SLC12A6: variants seen among roughly 807,000 people sequenced by gnomAD.
The protein encoded by SLC12A6 is K-Cl cotransporter 3.
A neutral mutation model predicts 135.3 loss-of-function variants in SLC12A6; 66 were observed. The observed-to-expected ratio is 0.49, with a 90% confidence interval of 0.40 to 0.60. The LOEUF is 0.60. SLC12A6 is among the 20% of genes least tolerant of loss of function. The probability of loss-of-function intolerance (pLI) is 0.00; values close to 1 mark genes in which losing one functional copy is unlikely to be tolerated. For synonymous variants in SLC12A6, 513 were observed against 508.8 expected (o/e 1.01, Z -0.11); for missense variants, 1,058 against 1,452.3 (o/e 0.73, Z 4.41).
At chr15:34,306,001 T>C (rs1051274344) in intron 2 of SLC12A6, among the ~76,000 whole-genome samples, 32 of 152,110 alleles carry the variant, frequency 2.1e-4, no homozygotes, top group African/African-American at 7.5e-4. Context: ...GACCTCGTGA[T>C]CCGCCCGCCT....
chr15:34,331,163 T>C (rs1889818919), intron 2 of SLC12A6, among the ~76,000 whole-genome samples: 1 of 152,206 alleles, frequency 6.6e-6, no homozygotes, highest in Non-Finnish European at 1.5e-5. Context: ...TAGGTTTTGT[T>C]TGTCAGGGTA....
chr15:34,259,082 G>A, intron 4 of SLC12A6, 138 bp from the exon 5 acceptor site: 1 of 665,890 alleles, frequency 1.5e-6, no homozygotes, highest in Admixed American at 2.3e-5. Flanking sequence ...GCTCACACCT[G>A]TAATCCCAGC....
In SLC12A6 at chr15:34,235,190, C is replaced by G; in HGVS notation, c.3352G>C (p.Asp1118His). 1 of 1,614,052 alleles carries G rather than the reference C, an allele frequency of 6.2e-7. No homozygotes were observed. Among genetic ancestry groups the G allele is most frequent in the Non-Finnish European group, 8.5e-7 (1 of 1,179,886 alleles). ...MPGPPRNPEGDENYMEFLEVL... is the reference protein window; with the variant it reads ...MPGPPRNPEGHENYMEFLEVL... ...CTCTTGGAAAGGATACAGTTTTCAT[C>G]ACCCTCAGGGTTTCGGGGTGGCCCT... is the stretch of plus-strand genomic sequence containing the variant. Residue 1118 changes from aspartate (D) to histidine (H), a missense_variant, in exon 25 of 26, where the codon GAT (aspartate) becomes CAT (histidine). Asp to His is a moderately conservative substitution (Grantham distance 81, BLOSUM62 -1). Transcript: ENST00000354181.
Position 34,294,075 on chromosome 15 carries a change from T to C in SLC12A6, c.272-18686A>G, listed in dbSNP as rs147217784. ...ATGCAGATTGAATTTATTCATTTTC[T>C]TTCTTGTGTAAATTACACCCATAAG... On this transcript the variant is annotated intron_variant, in intron 2 of 25. Coordinates refer to ENST00000354181, the MANE Select transcript of SLC12A6 (RefSeq NM_001365088.1). 3.2e-3 allele frequency among the ~76,000 whole-genome samples: 490 copies of C among 152,396 alleles called. 16 individuals carry two copies. The highest frequency in any genetic ancestry group is 0.028 in the Admixed American group (431 of 15,306).
At chr15:34,323,572 C>T (rs757431177) in intron 2 of SLC12A6, among the ~76,000 whole-genome samples, 3 of 152,184 alleles carry the variant, frequency 2.0e-5, no homozygotes, top group Non-Finnish European at 2.9e-5. Context: ...CAAAACCATG[C>T]CTGTCCCCGA....
At chr15:34,245,631 A>G (rs1891929037) in intron 14 of SLC12A6, 62 bp downstream of exon 14, 1 of 1,390,926 alleles carries the variant, frequency 7.2e-7, no homozygotes, top group African/African-American at 1.4e-5. Context: ...GCCCATGAAG[A>G]CCACACTGTT....
chr15:34,299,892 G>A (rs1303655966), intron 2 of SLC12A6, among the ~76,000 whole-genome samples: 1 of 152,094 alleles, frequency 6.6e-6, no homozygotes, highest in African/African-American at 2.4e-5. Context: ...ATTTACATAT[G>A]AGAAAAATTC....
chr15:34,290,337 G>C (rs1013357659), intron 2 of SLC12A6, among the ~76,000 whole-genome samples: 1 of 152,226 alleles, frequency 6.6e-6, no homozygotes, highest in African/African-American at 2.4e-5. Context: ...ACTGTGGTCT[G>C]AGAGACAGTT....
At chr15:34,314,826 T>TAAAAAAAAAA (rs566307709) in intron 2 of SLC12A6, 2 of 136,044 alleles carry the variant, frequency 1.5e-5, no homozygotes. Flanking sequence ...TGACCAGCCT[T>TAAAAAAAAAA]AAAAAAAAAA....
In SLC12A6 at chr15:34,229,954, A is replaced by G. The variant is rs933418491; in HGVS notation, c.*3927T>C. On this transcript the variant is annotated 3_prime_UTR_variant, in exon 26 of 26. Transcript: ENST00000354181. ...GACAGGTCCTAGAAGGACAATGTGCATATTACGACAAACACAAAGAAACTA... is the reference window on the plus strand; with the variant it reads ...GACAGGTCCTAGAAGGACAATGTGCGTATTACGACAAACACAAAGAAACTA... 1.8e-5 allele frequency: 12 copies of G among 674,090 alleles called. No homozygotes were observed. In the African/African-American group the frequency reaches 2.0e-4, roughly 11 times the overall value. 41.8% of individuals were successfully genotyped at this position (674,090 alleles called of 1,614,324 possible).
At position 34,241,200 on chromosome 15, in the gene SLC12A6, T is replaced by C. The variant is rs746045603; in HGVS notation, c.2267+33A>G. On this transcript the variant is annotated intron_variant, in intron 18 of 25. Transcript: ENST00000354181. ...AACACATATTTTTGTGTGTTAACCA[T>C]GTGCCAAATACTGCTAGTGTTGATT... 2.5e-5 allele frequency: 27 copies of C among 1,074,286 alleles called. 1 individual carries two copies. Among genetic ancestry groups the C allele is most frequent in the Non-Finnish European group, 3.9e-5 (27 of 687,354 alleles). 66.5% of individuals were successfully genotyped at this position (1,074,286 alleles called of 1,614,324 possible). A position where few individuals can be genotyped will look rare whatever the true frequency, so the allele number is the denominator to read the frequency against.
rs886051035 is a variant in SLC12A6, at chr15:34,230,072, CAA to C, written c.*3807_*3808del. 6 of 418,086 alleles carry C rather than the reference CAA, an allele frequency of 1.4e-5. No individual in the cohort carries two copies. The highest frequency in any genetic ancestry group is 1.2e-4 in the African/African-American group (6 of 48,590). 25.9% of individuals were successfully genotyped at this position (418,086 alleles called of 1,614,324 possible). A position where few individuals can be genotyped will look rare whatever the true frequency, so the allele number is the denominator to read the frequency against. ...CAACAAAAAAACATAACTATGTAAACAAGAGAATAACTGCTGCTAAATCAAGA... is the reference window on the plus strand; with the variant it reads ...CAACAAAAAAACATAACTATGTAAACGAGAATAACTGCTGCTAAATCAAGA... On this transcript the variant is annotated 3_prime_UTR_variant, in exon 26 of 26. Transcript: ENST00000354181.
chr15:34,314,446 C>T (rs1888492007), intron 2 of SLC12A6, among the ~76,000 whole-genome samples: 2 of 152,210 alleles, frequency 1.3e-5, no homozygotes, highest in African/African-American at 4.8e-5. Context: ...ACTGGTCACT[C>T]AAGAGCTCCG....
At chr15:34,296,012 AAC>A (rs1243971500) in intron 2 of SLC12A6, among the ~76,000 whole-genome samples, 2 of 151,942 alleles carry the variant, frequency 1.3e-5, no homozygotes, top group African/African-American at 2.4e-5. Flanking sequence ...AAAACAAACA[AAC>A]ACACAGTTTG....
chr15:34,280,740 T>C (rs1221888771), intron 2 of SLC12A6, among the ~76,000 whole-genome samples: 1 of 152,202 alleles, frequency 6.6e-6, no homozygotes, highest in East Asian at 1.9e-4. Context: ...GCATGTTTAT[T>C]GCAGCACTAT....
chr15:34,292,221 GTTT>G (rs1241987482), intron 2 of SLC12A6, among the ~76,000 whole-genome samples: 1 of 152,164 alleles, frequency 6.6e-6, no homozygotes, highest in Non-Finnish European at 1.5e-5. Flanking sequence ...CTGTTTGCTA[GTTT>G]TCCTTCTAAC....
In SLC12A6 at chr15:34,237,594, CA is replaced by C. The variant is rs775372521; in HGVS notation, c.2803-45del. The C allele has an allele frequency of 1.7e-5, 27 of 1,556,830 alleles. No individual in the cohort carries two copies. In the South Asian group the frequency reaches 2.1e-4, roughly 12 times the overall value. On this transcript the variant is annotated intron_variant, in intron 21 of 25. Transcript: ENST00000354181. ...CATGTGAAAAATTAGAGCAAGGAGG[CA>C]AAAAAGGTTATTTCCTAAGACATTA...
chr15:34,338,002 C>T (rs1890310509), upstream of SLC12A6: 1 of 151,976 alleles, frequency 6.6e-6, no homozygotes, highest in South Asian at 2.1e-4. Flanking sequence ...AGGGCGGAAC[C>T]GTCCCGCGGG....
At chr15:34,334,159 G>C (rs1283388907) in intron 2 of SLC12A6, among the ~76,000 whole-genome samples, 3 of 152,084 alleles carry the variant, frequency 2.0e-5, no homozygotes, top group Admixed American at 2.0e-4. Context: ...AGAAACTTCG[G>C]GTGGGAAGTT....
Sources: gnomAD v4.1 joint callset for allele counts (sites outside exome capture counted in the v4.1 genomes callset) on GRCh38, gnomAD v4.1.1 for gene constraint, MANE v1.5 for transcripts, NCBI Gene and HGNC (gene_info 2026-07-23, HGNC 2026-07-21) for gene names.